KIAA1549L: variants seen among roughly 807,000 people sequenced by gnomAD.
KIAA1549L encodes KIAA1549 like, also known as UPF0606 protein KIAA1549L.
Under a neutral mutation model 160.7 loss-of-function variants are expected in KIAA1549L, and 88 were observed. The ratio of observed to expected loss-of-function variants is 0.55; its 90% CI spans 0.46 to 0.65. The LOEUF (loss-of-function observed/expected upper bound fraction) is 0.65, where lower values mean the gene tolerates loss of function less well. Among genes scored for constraint, KIAA1549L ranks in the 30% least tolerant of loss-of-function variants. The pLI is 0.00. For missense variants in KIAA1549L, 2,258 were observed against 2,437.5 expected, an observed-to-expected ratio of 0.93 and a Z score of 1.55; for synonymous variants, 950 against 976.7, an observed-to-expected ratio of 0.97 and a Z score of 0.51.
chr11:33,479,205 G>C (rs540474051), intron 1 of KIAA1549L, among the ~76,000 whole-genome samples: 88 of 152,256 alleles, frequency 5.8e-4, no homozygotes, highest in African/African-American at 1.9e-3. Context: ...GGACTGAGCT[G>C]GGGGTTCCTG....
chr11:33,641,198 A>C (rs1374457832), intron 16 of KIAA1549L, among the ~76,000 whole-genome samples: 3 of 152,208 alleles, frequency 2.0e-5, no homozygotes, highest in African/African-American at 7.2e-5. Context: ...CCTCGAGTCA[A>C]TTTGAGCACC....
chr11:33,380,992 C>T (rs927390778), intron 1 of KIAA1549L, among the ~76,000 whole-genome samples: 1 of 151,796 alleles, frequency 6.6e-6, no homozygotes, highest in African/African-American at 2.4e-5. Context: ...AAAAACAAGG[C>T]CTGTTCTCAC....
chr11:33,484,091 G>A (rs1158527399), intron 1 of KIAA1549L, among the ~76,000 whole-genome samples: 1 of 152,042 alleles, frequency 6.6e-6, no homozygotes, highest in African/African-American at 2.4e-5. Context: ...AAACCAGAAT[G>A]GCATTCTCTT....
chr11:33,472,414 T>G (rs1485902881), intron 1 of KIAA1549L, among the ~76,000 whole-genome samples: 1 of 151,780 alleles, frequency 6.6e-6, no homozygotes, highest in Non-Finnish European at 1.5e-5. Flanking sequence ...AGCCACTGAG[T>G]CTGGCCCTCT....
At chr11:33,666,565 G>A (rs543753697) in intron 20 of KIAA1549L, among the ~76,000 whole-genome samples, 1 of 152,206 alleles carries the variant, frequency 6.6e-6, no homozygotes, top group East Asian at 1.9e-4. Flanking sequence ...AACATCATGG[G>A]GTATGTGGAC....
At chr11:33,523,322 C>G (rs1353032159) in intron 1 of KIAA1549L, among the ~76,000 whole-genome samples, 1 of 152,220 alleles carries the variant, frequency 6.6e-6, no homozygotes, top group Non-Finnish European at 1.5e-5. Context: ...TACCACAGGA[C>G]TTTTCAAAGC....
At chr11:33,536,461 C>G (rs893210705) in intron 1 of KIAA1549L, among the ~76,000 whole-genome samples, 2 of 152,172 alleles carry the variant, frequency 1.3e-5, no homozygotes, top group Admixed American at 1.3e-4. Flanking sequence ...CATAGCCTCT[C>G]CACGTGGTGT....
chr11:33,627,078 G>T, intron 16 of KIAA1549L, among the ~76,000 whole-genome samples: 1 of 62,928 alleles, frequency 1.6e-5, no homozygotes, highest in Non-Finnish European at 2.8e-5. Context: ...TGCATATATT[G>T]AACCAGCCTT....
chr11:33,515,125 GAA>G (rs1321429866), intron 1 of KIAA1549L, among the ~76,000 whole-genome samples: 2 of 152,174 alleles, frequency 1.3e-5, no homozygotes, highest in Non-Finnish European at 2.9e-5. Flanking sequence ...TATTTGCAGT[GAA>G]TAAAAGCCAC....
intron 1 of KIAA1549L, among the ~76,000 whole-genome samples, chr11:33,539,842 G>A (rs1357931387): frequency 1.3e-5 from 2 of 152,164 alleles, no homozygotes; most frequent in African/African-American, 4.8e-5. Context: ...GCTTAGAAGT[G>A]GGAGAGCCGG....
chr11:33,430,066 CG>C, intron 1 of KIAA1549L, among the ~76,000 whole-genome samples: 1 of 148,886 alleles, frequency 6.7e-6, no homozygotes, highest in African/African-American at 2.5e-5. Flanking sequence ...CTCTCTCCTC[CG>C]TTCCTCCCTT....
chr11:33,528,233 A>G (rs1193238994), intron 1 of KIAA1549L, among the ~76,000 whole-genome samples: 1 of 152,214 alleles, frequency 6.6e-6, no homozygotes, highest in Non-Finnish European at 1.5e-5. Context: ...AAAATGCTCA[A>G]GATCACTAAT....
intron 1 of KIAA1549L, among the ~76,000 whole-genome samples, chr11:33,467,899 C>T (rs1852096048): frequency 6.6e-6 from 1 of 152,154 alleles, no homozygotes; most frequent in Non-Finnish European, 1.5e-5. Flanking sequence ...AGAAAAAGAA[C>T]ACCCAAAACA....
At chr11:33,615,889 A>G (rs1302009800) in intron 15 of KIAA1549L, among the ~76,000 whole-genome samples, 1 of 152,204 alleles carries the variant, frequency 6.6e-6, no homozygotes, top group Non-Finnish European at 1.5e-5. Flanking sequence ...ACGATGTGTA[A>G]TTAGGTCAAG....
Position 33,547,811 on chromosome 11 carries a change from T to G in KIAA1549L, c.3433T>G (p.Phe1145Val), listed in dbSNP as rs772494429. ...RRVQISESLK[F>V]SIAKGLTQAL... Reference sequence around the variant, plus strand: ...AGTGCAGATCAGTGAATCCTTGAAGTTCAGTATCGCCAAAGGGCTCACACA... The same window carrying G: ...AGTGCAGATCAGTGAATCCTTGAAGGTCAGTATCGCCAAAGGGCTCACACA... Residue 1145 changes from phenylalanine (F) to valine (V), a missense_variant, in exon 4 of 21, where the codon TTC (phenylalanine) becomes GTC (valine). Phe to Val is a conservative substitution (Grantham distance 50). Around this residue, in one of 6 missense-constraint regions of KIAA1549L, gnomAD observed 1,359 missense variants for 1,546.6 expected, o/e 0.88. Transcript: ENST00000658780. 6.2e-7 allele frequency: 1 copy of G among 1,613,744 alleles called. No homozygotes were observed. The highest frequency in any genetic ancestry group is 1.1e-5 in the South Asian group (1 of 90,984).
At chr11:33,432,110 C>T (rs1254538209) in intron 1 of KIAA1549L, among the ~76,000 whole-genome samples, 10 of 152,224 alleles carry the variant, frequency 6.6e-5, no homozygotes, top group Admixed American at 5.2e-4. Flanking sequence ...AGTCCCGGTT[C>T]CCGCTCGCAC....
chr11:33,560,014 T>A lies in KIAA1549L; in HGVS notation c.4018+103T>A, dbSNP rs187248502. On this transcript the variant is annotated intron_variant, in intron 7 of 20. Coordinates refer to ENST00000658780, the MANE Select transcript of KIAA1549L (RefSeq NM_012194.3). ...AGGCCACATACTACCACCTTTATCA[T>A]AAAGTGACAGCTAAAATATGTGATG... 1.3e-3 allele frequency: 1,340 copies of A among 1,063,114 alleles called. 3 individuals are homozygous for A. Among genetic ancestry groups the A allele is most frequent in the Non-Finnish European group, 1.5e-3 (1,075 of 712,132 alleles). The allele number at this position is 1,063,114 out of a possible 1,614,324, so 65.9% of individuals were successfully genotyped here.
Position 33,645,711 on chromosome 11 carries a change from C to A in KIAA1549L, c.5435C>A (p.Thr1812Asn), listed in dbSNP as rs757720275. The change falls in exon 17 of 21, where the codon ACC (threonine) becomes AAC (asparagine). Residue 1812 changes from threonine (T) to asparagine (N), a missense_variant. Physicochemically the swap from Thr to Asn is moderately conservative, Grantham distance 65 (BLOSUM62 0). Coordinates refer to ENST00000658780, the MANE Select transcript of KIAA1549L (RefSeq NM_012194.3). ...YDTEPEIIEE[T>N]NIDRVPEPRG... ...ACTGAGCCTGAAATCATAGAGGAAA[C>A]CAACATTGACAGAGTTCCTGAGCCC... The A allele has an allele frequency of 4.3e-6, 7 of 1,613,630 alleles. No individual in the cohort carries two copies. Among genetic ancestry groups the A allele is most frequent in the Non-Finnish European group, 5.9e-6 (7 of 1,179,674 alleles).
In KIAA1549L at chr11:33,594,603, A is replaced by T. The variant is rs944357560; in HGVS notation, c.4751+3182A>T. 5.3e-5 allele frequency among the ~76,000 whole-genome samples: 8 copies of T among 152,234 alleles called. 1 individual carries two copies. On this transcript the variant is annotated intron_variant, in intron 12 of 20. Transcript: ENST00000658780. ...AACAAAAAACACCCAAAGCATAAGC[A>T]TTTCTCAAATCTTTGCTTGTGTCAT... is the stretch of plus-strand genomic sequence containing the variant.
Sources: allele counts gnomAD v4.1 joint callset (sites outside exome capture counted in the v4.1 genomes callset), GRCh38; gene constraint gnomAD v4.1.1; regional missense constraint gnomAD v4.1.1; transcripts MANE v1.5; gene names NCBI Gene and HGNC (gene_info 2026-07-23, HGNC 2026-07-21).